The following ALK variants were observed in gnomAD, a reference collection of about 807,000 sequenced individuals.
ALK encodes the protein ALK receptor tyrosine kinase.
A neutral mutation model predicts 163.1 loss-of-function variants in ALK; 74 were observed. The ratio of observed to expected loss-of-function variants is 0.45; its 90% CI spans 0.38 to 0.55. The LOEUF (loss-of-function observed/expected upper bound fraction) is 0.55, where lower values mean the gene tolerates loss of function less well. Ranked by LOEUF, ALK falls within the 20% of genes least tolerant of loss-of-function variation. ALK has a pLI of 0.00. For missense variants in ALK, 2,063 were observed against 2,105.3 expected (o/e 0.98, Z 0.39); for synonymous variants, 960 against 843.2 (o/e 1.14, Z -2.40).
At chr2:29,841,608 G>T (rs1232227376) in intron 1 of ALK, among the ~76,000 whole-genome samples, 1 of 152,218 alleles carries the variant, frequency 6.6e-6, no homozygotes, top group Non-Finnish European at 1.5e-5. Flanking sequence ...ATAGCAGGCA[G>T]CCTCTGCTGG....
chr2:29,694,733 G>T, intron 3 of ALK, 117 bp downstream of exon 3: 1 of 1,347,962 alleles, frequency 7.4e-7, no homozygotes, highest in Non-Finnish European at 1.1e-6. Flanking sequence ...GATATTAAAA[G>T]CAGGTTTCAA....
intron 1 of ALK, among the ~76,000 whole-genome samples, chr2:29,823,217 G>T (rs763629429): frequency 9.9e-5 from 15 of 152,166 alleles, no homozygotes; most frequent in Non-Finnish European, 1.8e-4. Flanking sequence ...TGCCATGATT[G>T]TGAGGCCTCC....
intron 1 of ALK, among the ~76,000 whole-genome samples, chr2:29,910,716 A>G (rs746965241): frequency 5.9e-5 from 9 of 152,360 alleles, no homozygotes; most frequent in Admixed American, 1.3e-4. Context: ...TTAAAGTGCT[A>G]TCCACCTGAA....
At chr2:29,404,283 G>C (rs1669526691) in intron 4 of ALK, among the ~76,000 whole-genome samples, 1 of 139,902 alleles carries the variant, frequency 7.1e-6, no homozygotes, top group African/African-American at 2.7e-5. Flanking sequence ...CAGCCTGCGT[G>C]ACCCACGGAG....
At chr2:29,410,220 C>G (rs1241599682) in intron 4 of ALK, among the ~76,000 whole-genome samples, 2 of 152,148 alleles carry the variant, frequency 1.3e-5, no homozygotes, top group Non-Finnish European at 2.9e-5. Context: ...TAGGGCAACC[C>G]TGCCTCCCAT....
intron 3 of ALK, among the ~76,000 whole-genome samples, chr2:29,673,173 T>C (rs2148272216): frequency 6.9e-6 from 1 of 145,924 alleles, no homozygotes; most frequent in East Asian, 2.0e-4. Context: ...CAGAAGCTCT[T>C]TAGTTTAATT....
chr2:29,343,028 T>G lies in ALK; in HGVS notation c.1283-14547A>C, dbSNP rs550302759. 1.9e-4 allele frequency among the ~76,000 whole-genome samples: 29 copies of G among 150,486 alleles called. No individual in the cohort carries two copies. The East Asian group carries it at 4.9e-3, about 26-fold the overall frequency. On this transcript the variant is annotated intron_variant, in intron 5 of 28. Transcript: ENST00000389048. ...CTCCCGAGTAGCTGGAACTACAGGCTCCTGCCACCATGCCCAGCTAATTTT... is the reference window on the plus strand; with the variant it reads ...CTCCCGAGTAGCTGGAACTACAGGCGCCTGCCACCATGCCCAGCTAATTTT...
At chr2:29,347,469 G>A (rs1445396442) in intron 5 of ALK, among the ~76,000 whole-genome samples, 1 of 152,198 alleles carries the variant, frequency 6.6e-6, no homozygotes, top group Non-Finnish European at 1.5e-5. Context: ...AAGTGGCAGG[G>A]CTCATACTCT....
At chr2:29,736,749 T>C (rs1034907153) in intron 1 of ALK, among the ~76,000 whole-genome samples, 8 of 151,944 alleles carry the variant, frequency 5.3e-5, no homozygotes, top group African/African-American at 1.5e-4. Context: ...TGACAAGACA[T>C]AGAAAAAAAT....
intron 2 of ALK, among the ~76,000 whole-genome samples, chr2:29,711,310 CT>C (rs1679095251): frequency 6.6e-6 from 1 of 152,210 alleles, no homozygotes; most frequent in Non-Finnish European, 1.5e-5. Context: ...TCTCCTGACT[CT>C]CTGTGTTCCC....
chr2:29,452,198 A>G (rs971853605), intron 4 of ALK, among the ~76,000 whole-genome samples: 3 of 150,584 alleles, frequency 2.0e-5, no homozygotes, highest in Non-Finnish European at 4.4e-5. Context: ...TTGGCCCCTT[A>G]CTCCCTGCAC....
At chr2:29,359,633 A>G (rs1668342478) in intron 5 of ALK, among the ~76,000 whole-genome samples, 1 of 152,240 alleles carries the variant, frequency 6.6e-6, no homozygotes, top group South Asian at 2.1e-4. Flanking sequence ...TTTGGGATCA[A>G]TAGACACTCT....
chr2:29,794,690 A>G (rs1664264032), intron 1 of ALK, among the ~76,000 whole-genome samples: 1 of 152,182 alleles, frequency 6.6e-6, no homozygotes, highest in South Asian at 2.1e-4. Context: ...AGTTAGGAAA[A>G]TGGCAGGTTG....
chr2:29,384,009 G>A (rs762044474), intron 4 of ALK, 150 bp from the exon 5 acceptor site: 113 of 948,114 alleles, frequency 1.2e-4, no homozygotes, highest in Non-Finnish European at 1.6e-4. Flanking sequence ...TGGCACTGAG[G>A]ACAGTGATTC....
chr2:29,634,117 A>ATT lies in ALK; in HGVS notation c.952+60731_952+60732dup, dbSNP rs36065798. On this transcript the variant is annotated intron_variant, in intron 3 of 28. Coordinates refer to ENST00000389048, the MANE Select transcript of ALK (RefSeq NM_004304.5). ...ATTCATGAAAGGATGACTGGTGCACATTTTTTTTTTTCGCTCTGTCACCCA... is the reference window on the plus strand; with the variant it reads ...ATTCATGAAAGGATGACTGGTGCACATTTTTTTTTTTTTCGCTCTGTCACCCA... 6.1e-3 allele frequency among the ~76,000 whole-genome samples: 904 copies of ATT among 148,808 alleles called. 11 individuals carry two copies. Among genetic ancestry groups the ATT allele is most frequent in the African/African-American group, 0.019 (764 of 40,526 alleles).
intron 1 of ALK, among the ~76,000 whole-genome samples, chr2:29,784,910 C>T (rs1663966459): frequency 1.3e-5 from 2 of 152,040 alleles, no homozygotes; most frequent in Admixed American, 6.5e-5. Context: ...CATGGCTCAA[C>T]TAGAAGACCT....
chr2:29,881,256 G>A (rs56090961), intron 1 of ALK, among the ~76,000 whole-genome samples: 9,631 of 152,252 alleles, frequency 0.063, 427 homozygotes, highest in East Asian at 0.14. Context: ...AGTGAACGCT[G>A]AAGGAAGCAG....
intron 3 of ALK, among the ~76,000 whole-genome samples, chr2:29,572,353 G>GGGGCT: frequency 6.6e-6 from 1 of 152,300 alleles, no homozygotes; most frequent in East Asian, 1.9e-4. Flanking sequence ...TAAATGAAAC[G>GGGGCT]TTTCAGACTT....
chr2:29,668,717 T>C (rs1243351571), intron 3 of ALK, among the ~76,000 whole-genome samples: 1 of 152,160 alleles, frequency 6.6e-6, no homozygotes, highest in Non-Finnish European at 1.5e-5. Context: ...ATTCTGCACA[T>C]GTATTAGTCT....
Sources: gnomAD v4.1 joint callset for allele counts (sites outside exome capture counted in the v4.1 genomes callset) on GRCh38, gnomAD v4.1.1 for gene constraint, MANE v1.5 for transcripts, NCBI Gene and HGNC (gene_info 2026-07-23, HGNC 2026-07-21) for gene names.